C15orf40: variants seen among roughly 807,000 people sequenced by gnomAD.
The protein encoded by C15orf40 is chromosome 15 open reading frame 40.
Under a neutral mutation model 13.9 loss-of-function variants are expected in C15orf40, and 9 were observed. The observed-to-expected ratio is 0.65, with a 90% CI of 0.39 to 1.13. The LOEUF is 1.13. Ranked by LOEUF, C15orf40 falls within the 50% of genes most tolerant of loss-of-function variation. The pLI, the probability that C15orf40 is intolerant of heterozygous loss-of-function variation, is 0.01. For missense variants in C15orf40, 225 were observed against 188.5 expected (o/e 1.19, Z -1.13); for synonymous variants, 95 against 69.2 (o/e 1.37, Z -1.85).
intron 1 of C15orf40, chr15:83,011,122 C>T: frequency 5.2e-6 from 1 of 192,180 alleles, no homozygotes; most frequent in Non-Finnish European, 1.1e-5. Flanking sequence ...GTGCGATCAG[C>T]CAAAGCAAGG....
rs2031346299 is a variant in C15orf40, at chr15:82,999,957, AG to A, written c.*5639del. On this transcript the variant is annotated 3_prime_UTR_variant, in exon 4 of 4. Coordinates refer to ENST00000304177, the MANE Select transcript of C15orf40 (RefSeq NM_144597.3). The stretch of plus-strand genomic sequence containing the variant: ...GGTGGTCTTCCTGCAACCTAGAAAA[AG>A]GGAGTTCCTGTACTATGAAGGATCA... The A allele has an allele frequency of 6.6e-6, 1 of 152,178 alleles. No homozygotes were observed. The highest frequency in any genetic ancestry group is 6.5e-5 in the Admixed American group (1 of 15,274). 9.4% of individuals were successfully genotyped at this position (152,178 alleles called of 1,614,324 possible).
At chr15:83,006,558 G>A (rs190862580) in intron 3 of C15orf40, 5 of 737,208 alleles carry the variant, frequency 6.8e-6, no homozygotes, top group South Asian at 6.1e-5. Context: ...TCAGGAGTTC[G>A]AGACCAGCCT....
rs2031161122 is a variant in C15orf40 at position 82,997,592 on chromosome 15, A to AT, written c.*8004dup. 5 of 283,384 alleles carry AT rather than the reference A, an allele frequency of 1.8e-5. No homozygotes were observed. The highest frequency in any genetic ancestry group is 3.4e-5 in the Non-Finnish European group (5 of 146,834). The allele number at this position is 283,384 out of a possible 1,614,324, so 17.6% of individuals were successfully genotyped here. A position where few individuals can be genotyped will look rare whatever the true frequency, so the allele number is the denominator to read the frequency against. On this transcript the variant is annotated 3_prime_UTR_variant, in exon 4 of 4. Transcript: ENST00000304177. ...TGCAGAACAAAATGAAAAGTCTCCC[A>AT]TGTCTACTTCTTTCCACACAGACAC...
At chr15:82,992,039 G>C, downstream of C15orf40, 1 of 608,390 alleles carries the variant, frequency 1.6e-6, no homozygotes, top group Non-Finnish European at 2.7e-6. Flanking sequence ...AATGTAGCAA[G>C]ATCCTGTCTC....
At chr15:83,007,393 G>T (rs1432441442) in intron 3 of C15orf40, among the ~76,000 whole-genome samples, 1 of 152,208 alleles carries the variant, frequency 6.6e-6, no homozygotes, top group Non-Finnish European at 1.5e-5. Context: ...GAAAACACTG[G>T]CAACAGCGGC....
chr15:83,011,350 G>C lies in C15orf40; in HGVS notation c.111+147C>G, dbSNP rs2031998844. 7.1e-6 allele frequency: 6 copies of C among 850,296 alleles called. No individual in the cohort carries two copies. The South Asian group carries it at 1.3e-4, about 18-fold the overall frequency. The allele number at this position is 850,296 out of a possible 1,614,324, so 52.7% of individuals were successfully genotyped here. Reference sequence around the variant, plus strand: ...ACGGCAGCAGGCCGCAGCTCTGGGGGTGGCGGCGGCTGTCCTGAGCCCCGG... The same window carrying C: ...ACGGCAGCAGGCCGCAGCTCTGGGGCTGGCGGCGGCTGTCCTGAGCCCCGG... On this transcript the variant is annotated intron_variant, in intron 1 of 3. Coordinates refer to ENST00000304177, the MANE Select transcript of C15orf40 (RefSeq NM_144597.3).
chr15:83,005,568 G>T lies in C15orf40; in HGVS notation c.*29C>A, dbSNP rs1318703350. 7 of 1,579,760 alleles carry T rather than the reference G, an allele frequency of 4.4e-6. No homozygotes were observed. Among genetic ancestry groups the T allele is most frequent in the Middle Eastern group, 3.6e-4 (2 of 5,624 alleles). On this transcript the variant is annotated 3_prime_UTR_variant, in exon 4 of 4. Transcript: ENST00000304177. ...CAAAGTGCTGGGATTACAGGCATGA[G>T]CCACTGCGCCCGGCCTCATTTCTTG...
chr15:82,997,044 T>TA lies in C15orf40; in HGVS notation c.*8552dup, dbSNP rs2031123737. Reference sequence around the variant, plus strand: ...AAATAATAATAATAATAATAATAATTATTATTATTATTTTTAACTGACTTC... The same window carrying TA: ...AAATAATAATAATAATAATAATAATTAATTATTATTATTTTTAACTGACTTC... On this transcript the variant is annotated 3_prime_UTR_variant, in exon 4 of 4. Coordinates refer to ENST00000304177, the MANE Select transcript of C15orf40 (RefSeq NM_144597.3). 2.3e-4 allele frequency: 34 copies of TA among 145,512 alleles called. No individual in the cohort carries two copies. Among genetic ancestry groups the TA allele is most frequent in the African/African-American group, 8.7e-4 (34 of 39,214 alleles). 9.0% of individuals were successfully genotyped at this position (145,512 alleles called of 1,614,324 possible).
chr15:83,009,252 T>C (rs1285482955), intron 2 of C15orf40, among the ~76,000 whole-genome samples: 1 of 152,268 alleles, frequency 6.6e-6, no homozygotes, highest in Non-Finnish European at 1.5e-5. Context: ...GCTTTACAAA[T>C]ACTAACTTCT....
rs748106678 is a variant in C15orf40 at position 83,011,589 on chromosome 15, C to A, written c.19G>T (p.Gly7Trp). The change falls in exon 1 of 4, where the codon GGG becomes TGG. Residue 7 changes from glycine (G) to tryptophan (W), a missense_variant. Physicochemically the swap from Gly to Trp is radical, Grantham distance 184. Transcript: ENST00000304177. MLRLRS[G>W]LRHLRATPNT... ...GGTGTTGCCCGAAGGTGCCTCAGCC[C>A]GCTGCGGAGCCGCAGCATCCCCGCC... is the stretch of plus-strand genomic sequence containing the variant. 3.1e-6 allele frequency: 5 copies of A among 1,590,730 alleles called. No individual in the cohort carries two copies. Among genetic ancestry groups the A allele is most frequent in the African/African-American group, 1.4e-5 (1 of 73,956 alleles).
Position 83,011,603 on chromosome 15 carries a change from A to G in C15orf40, c.5T>C (p.Leu2Pro), listed in dbSNP as rs775783551. The G allele has an allele frequency of 6.3e-7, 1 of 1,581,820 alleles. No individual in the cohort carries two copies. The highest frequency in any genetic ancestry group is 1.1e-5 in the South Asian group (1 of 89,628). Residue 2 changes from leucine to proline, a missense_variant, in exon 1 of 4, where the codon CTG becomes CCG. By Grantham distance (98) the Leu-to-Pro change is moderately conservative. Transcript: ENST00000304177. ...GTGCCTCAGCCCGCTGCGGAGCCGCAGCATCCCCGCCTGGGAAGGCGCCGG... is the reference window on the plus strand; with the variant it reads ...GTGCCTCAGCCCGCTGCGGAGCCGCGGCATCCCCGCCTGGGAAGGCGCCGG... M[L>P]RLRSGLRHLR... is the part of the protein sequence containing the mutation.
rs2031562520 is a variant in C15orf40 at position 83,004,399 on chromosome 15, T to C, written c.*1198A>G. ...CACAACTGCAGATCAGCTCTCCTGA[T>C]CAGCAAAGGAAATTAATTTTATTTT... is the stretch of plus-strand genomic sequence containing the variant. On this transcript the variant is annotated 3_prime_UTR_variant, in exon 4 of 4. Transcript: ENST00000304177. 2.0e-6 allele frequency: 2 copies of C among 976,718 alleles called. No individual in the cohort carries two copies. Among genetic ancestry groups the C allele is most frequent in the Non-Finnish European group, 1.2e-6 (1 of 822,058 alleles). 60.5% of individuals were successfully genotyped at this position (976,718 alleles called of 1,614,324 possible).
downstream of C15orf40, chr15:82,989,287 T>A: frequency 8.4e-6 from 10 of 1,184,892 alleles, no homozygotes; most frequent in Non-Finnish European, 1.2e-5. Flanking sequence ...CCAGTGTTTT[T>A]GGTATGGCAT....
chr15:83,005,466 T>C lies in C15orf40; in HGVS notation c.*131A>G. ...CATCTGGCTAATTTTGTATTTTTCGTAGAGATGGGGTTTCACCATGTTGGT... is the reference window on the plus strand; with the variant it reads ...CATCTGGCTAATTTTGTATTTTTCGCAGAGATGGGGTTTCACCATGTTGGT... On this transcript the variant is annotated 3_prime_UTR_variant, in exon 4 of 4. Transcript: ENST00000304177. The C allele has an allele frequency of 1.2e-6, 1 of 839,946 alleles. No individual in the cohort carries two copies. Among genetic ancestry groups the C allele is most frequent in the Non-Finnish European group, 1.7e-6 (1 of 593,432 alleles). 52.0% of individuals were successfully genotyped at this position (839,946 alleles called of 1,614,324 possible). A position where few individuals can be genotyped will look rare whatever the true frequency, so the allele number is the denominator to read the frequency against.
chr15:83,006,142 A>T (rs1304509104), intron 3 of C15orf40, among the ~76,000 whole-genome samples: 1 of 151,956 alleles, frequency 6.6e-6, no homozygotes, highest in Non-Finnish European at 1.5e-5. Context: ...GAGGCAGGAA[A>T]ATCGCTGGAA....
In C15orf40 at chr15:83,011,618, G is replaced by T. The variant is rs756353417; in HGVS notation, c.-11C>A. On this transcript the variant is annotated 5_prime_UTR_variant, in exon 1 of 4. Coordinates refer to ENST00000304177, the MANE Select transcript of C15orf40 (RefSeq NM_144597.3). ...GCGGAGCCGCAGCATCCCCGCCTGG[G>T]AAGGCGCCGGAAGAGCCCTCTGCGC... The T allele has an allele frequency of 9.0e-6, 14 of 1,558,310 alleles. No homozygotes were observed. Among genetic ancestry groups the T allele is most frequent in the Non-Finnish European group, 3.5e-6 (4 of 1,156,990 alleles).
rs565635076 is a variant in C15orf40, at chr15:83,011,574, G to A, written c.34C>T (p.Arg12Trp). 2 of 1,602,650 alleles carry A rather than the reference G, an allele frequency of 1.2e-6. No homozygotes were observed. The change falls in exon 1 of 4, where the codon CGG (arginine) becomes TGG (tryptophan). Residue 12 changes from arginine (R) to tryptophan (W), a missense_variant. By Grantham distance (101) the Arg-to-Trp change is moderately radical (BLOSUM62 -3). Transcript: ENST00000304177. The part of the protein sequence containing the change: ...LRLRSGLRHL[R>W]ATPNTRGSAR... ...GAGCCCCGAGTATTGGGTGTTGCCCGAAGGTGCCTCAGCCCGCTGCGGAGC... is the reference window on the plus strand; with the variant it reads ...GAGCCCCGAGTATTGGGTGTTGCCCAAAGGTGCCTCAGCCCGCTGCGGAGC...
chr15:83,005,752 T>G, intron 3 of C15orf40, 60 bp from the exon 4 acceptor site: 1 of 1,548,936 alleles, frequency 6.5e-7, no homozygotes, highest in Non-Finnish European at 8.7e-7. Flanking sequence ...CTATTAGAGA[T>G]AGCAGACCTC....
chr15:83,000,659 G>A lies in C15orf40; in HGVS notation c.*4938C>T, dbSNP rs1257609807. On this transcript the variant is annotated 3_prime_UTR_variant, in exon 4 of 4. Coordinates refer to ENST00000304177, the MANE Select transcript of C15orf40 (RefSeq NM_144597.3). ...CTAAGTTTTTAGTCACTAGTTACAT[G>A]CATTAAAACAATTTGAATTTGGGGC... is the stretch of plus-strand genomic sequence containing the variant. The A allele has an allele frequency of 2.0e-5, 3 of 152,150 alleles. No individual in the cohort carries two copies. The highest frequency in any genetic ancestry group is 6.5e-5 in the Admixed American group (1 of 15,270). The allele number at this position is 152,150 out of a possible 1,614,324, so 9.4% of individuals were successfully genotyped here.
Sources: allele counts gnomAD v4.1 joint callset (sites outside exome capture counted in the v4.1 genomes callset), GRCh38; gene constraint gnomAD v4.1.1; transcripts MANE v1.5; gene names NCBI Gene and HGNC (gene_info 2026-07-23, HGNC 2026-07-21).